The following HCK variants were observed in gnomAD, a reference collection of about 807,000 sequenced individuals.
HCK encodes HCK proto-oncogene, Src family tyrosine kinase.
Under a neutral mutation model 70.4 loss-of-function variants are expected in HCK, and 40 were observed. The ratio of observed to expected loss-of-function variants is 0.57; its 90% confidence interval spans 0.44 to 0.74. The LOEUF is 0.74. HCK is among the 30% of genes least tolerant of loss of function. The pLI, the probability that HCK is intolerant of heterozygous loss-of-function variation, is 0.00. For missense variants in HCK, 568 were observed against 697.2 expected (o/e 0.81, Z 2.09); for synonymous variants, 245 against 263.2 (o/e 0.93, Z 0.67).
intron 1 of HCK, among the ~76,000 whole-genome samples, chr20:32,054,495 A>G: frequency 1.1e-5 from 1 of 95,120 alleles, no homozygotes; most frequent in African/African-American, 5.1e-5. Context: ...AAAAAAAAAA[A>G]AAAAAAAAAA....
At chr20:32,059,456 T>C (rs2122470386) in intron 1 of HCK, among the ~76,000 whole-genome samples, 1 of 150,016 alleles carries the variant, frequency 6.7e-6, no homozygotes, top group Non-Finnish European at 1.5e-5. Flanking sequence ...TTCTTTCTTC[T>C]TTCCCTTCCT....
At chr20:32,086,571 G>T (rs2045789513) in intron 8 of HCK, 57 bp from the exon 9 acceptor site, 5 of 1,457,276 alleles carry the variant, frequency 3.4e-6, no homozygotes, top group Non-Finnish European at 4.6e-6. Context: ...GCCTTCTAGG[G>T]TGGTACGGGA....
At chr20:32,094,795 A>AAG (rs1569010545) in intron 11 of HCK, among the ~76,000 whole-genome samples, 532 of 22,776 alleles carry the variant, frequency 0.023, 6 homozygotes, top group East Asian at 0.095. Flanking sequence ...AAGAGAAAGA[A>AAG]AGAAAGAAAG....
At position 32,069,791 on chromosome 20, in the gene HCK, A is replaced by G. The variant is rs73906726; in HGVS notation, c.63-1871A>G. ...ATAAAAGGAATCTTTTTTCATTTTT[A>G]AAAGTAACTCATCTAAGCCTAGGAG... On this transcript the variant is annotated intron_variant, in intron 1 of 12. Coordinates refer to ENST00000375852, the MANE Select transcript of HCK (RefSeq NM_002110.5). 495 of 1,262,970 alleles carry G rather than the reference A, an allele frequency of 3.9e-4. 3 individuals carry two copies. In the African/African-American group the frequency reaches 6.8e-3, roughly 17 times the overall value. The allele number at this position is 1,262,970 out of a possible 1,614,324, so 78.2% of individuals were successfully genotyped here.
chr20:32,094,756 AGAAAGAAG>A lies in HCK; in HGVS notation c.1246+748_1246+755del, dbSNP rs1220389184. Among the ~76,000 whole-genome samples the A allele has an allele frequency of 1.8e-3, 226 of 126,136 alleles. 1 individual carries two copies. Among genetic ancestry groups the A allele is most frequent in the East Asian group, 4.0e-3 (18 of 4,458 alleles). 82.8% of individuals were successfully genotyped at this position (126,136 alleles called of 152,430 possible). On this transcript the variant is annotated intron_variant, in intron 11 of 12. Transcript: ENST00000375852. ...AAGAAAGAAAGAAAGAAAGAAAGAA[AGAAAGAAG>A]GAAAGAAAGAAAGAGAGAGAAAGAG... is the stretch of plus-strand genomic sequence containing the variant.
intron 5 of HCK, among the ~76,000 whole-genome samples, chr20:32,078,856 C>CAAAAAAAAA (rs368194350): frequency 2.8e-5 from 1 of 36,222 alleles, no homozygotes; most frequent in Non-Finnish European, 4.6e-5. Flanking sequence ...GACTCAGTCT[C>CAAAAAAAAA]AAAAAAAAAA....
chr20:32,089,582 A>AT (rs1221928441), intron 10 of HCK, among the ~76,000 whole-genome samples: 1 of 152,214 alleles, frequency 6.6e-6, no homozygotes, highest in African/African-American at 2.4e-5. Context: ...AAAGTAAATA[A>AT]TGTTCACAAA....
intron 1 of HCK, among the ~76,000 whole-genome samples, chr20:32,060,183 G>A (rs2045347068): frequency 6.6e-6 from 1 of 152,040 alleles, no homozygotes; most frequent in African/African-American, 2.4e-5. Context: ...ACCCTTCTCA[G>A]TTTAAACATA....
intron 10 of HCK, among the ~76,000 whole-genome samples, chr20:32,089,413 T>A (rs1235080986): frequency 6.6e-6 from 1 of 152,220 alleles, no homozygotes; most frequent in Non-Finnish European, 1.5e-5. Flanking sequence ...CACAAGTTAC[T>A]GTGCTAATTA....
chr20:32,086,833 C>T, intron 9 of HCK, 26 bp downstream of exon 9: 4 of 1,558,694 alleles, frequency 2.6e-6, no homozygotes, highest in Non-Finnish European at 3.5e-6. Flanking sequence ...GCTGGGGGTG[C>T]AGGCTGTGGC....
Position 32,079,865 on chromosome 20 carries a change from G to A in HCK, c.520G>A (p.Glu174Lys), listed in dbSNP as rs748194379. 1 of 1,612,844 alleles carries A rather than the reference G, an allele frequency of 6.2e-7. No individual in the cohort carries two copies. The highest frequency in any genetic ancestry group is 8.5e-7 in the Non-Finnish European group (1 of 1,178,918). Residue 174 changes from glutamate (E) to lysine (K), a missense_variant, in exon 6 of 13, where the codon GAG becomes AAG. Physicochemically the swap from Glu to Lys is moderately conservative, Grantham distance 56. This residue lies in a region of HCK where 318 missense variants were observed against 336.0 expected (regional missense o/e 0.95). Transcript: ENST00000375852. ...GGGCTCCTTCATGATCCGGGATAGC[G>A]AGACCACTAAAGGTGACACCAGCCC...
chr20:32,097,638 A>G (rs1241062603), intron 11 of HCK, among the ~76,000 whole-genome samples: 1 of 152,172 alleles, frequency 6.6e-6, no homozygotes, highest in Non-Finnish European at 1.5e-5. Context: ...TAAAAGTAGA[A>G]TGTATAATTT....
intron 1 of HCK, 64 bp downstream of exon 1, chr20:32,052,550 A>T (rs929886041): frequency 1.7e-4 from 196 of 1,160,760 alleles, no homozygotes; most frequent in Non-Finnish European, 2.1e-4. Context: ...AGGCGGAGGG[A>T]GCCCAGGAGC....
intron 5 of HCK, among the ~76,000 whole-genome samples, chr20:32,078,075 C>T (rs1017739290): frequency 1.3e-5 from 2 of 151,658 alleles, no homozygotes; most frequent in South Asian, 2.1e-4. Context: ...CGCTCTGTTG[C>T]CCAGGCTGGA....
chr20:32,094,649 C>T (rs1453723831), intron 11 of HCK, among the ~76,000 whole-genome samples: 1 of 148,570 alleles, frequency 6.7e-6, no homozygotes, highest in Non-Finnish European at 1.5e-5. Context: ...GATCATGCCA[C>T]TGCACCCAGC....
intron 1 of HCK, among the ~76,000 whole-genome samples, chr20:32,065,936 C>T (rs999378239): frequency 6.6e-5 from 10 of 152,102 alleles, no homozygotes; most frequent in Admixed American, 3.3e-4. Context: ...AGAATGTTCA[C>T]ATGAATCGCC....
chr20:32,099,072 G>A lies in HCK; in HGVS notation c.1315G>A (p.Asp439Asn). The A allele has an allele frequency of 6.2e-7, 1 of 1,614,186 alleles. No individual in the cohort carries two copies. Among genetic ancestry groups the A allele is most frequent in the Non-Finnish European group, 8.5e-7 (1 of 1,180,030 alleles). Residue 439 changes from aspartate to asparagine, a missense_variant, in exon 12 of 13, where the codon GAC (aspartate) becomes AAC (asparagine). This residue lies in a region of HCK where 160 missense variants were observed against 237.5 expected (regional missense o/e 0.67). Transcript: ENST00000375852. ...CTTTGGCTCCTTCACCATCAAGTCA[G>A]ACGTCTGGTCCTTTGGTATCCTGCT... is the stretch of plus-strand genomic sequence containing the variant.
chr20:32,089,498 T>A (rs1161666680), intron 10 of HCK, among the ~76,000 whole-genome samples: 1 of 152,110 alleles, frequency 6.6e-6, no homozygotes, highest in Non-Finnish European at 1.5e-5. Context: ...GGAAGATGAG[T>A]ATTAAATAAC....
chr20:32,095,522 G>C (rs1362026002), intron 11 of HCK, among the ~76,000 whole-genome samples: 2 of 152,156 alleles, frequency 1.3e-5, no homozygotes, highest in Non-Finnish European at 2.9e-5. Context: ...CTCCCAAACT[G>C]CTGGGATTAC....
Sources: gnomAD v4.1 joint callset for allele counts (sites outside exome capture counted in the v4.1 genomes callset) on GRCh38, gnomAD v4.1.1 for gene constraint, gnomAD v4.1.1 regional missense constraint, MANE v1.5 for transcripts, NCBI Gene and HGNC (gene_info 2026-07-23, HGNC 2026-07-21) for gene names.